Variants in KIF26B observed in about 807,000 individuals in gnomAD.
KIF26B encodes the protein kinesin family member 26B, also known as kinesin-like protein KIF26B.
Under a neutral mutation model 151.2 loss-of-function variants are expected in KIF26B, and 63 were observed. The ratio of observed to expected loss-of-function variants is 0.42; its 90% CI spans 0.34 to 0.51. KIF26B has a LOEUF of 0.51. KIF26B is among the 20% of genes least tolerant of loss of function. The probability of loss-of-function intolerance (pLI) is 0.07; values close to 1 mark genes in which losing one functional copy is unlikely to be tolerated. For missense variants in KIF26B, 2,813 were observed against 2,913.6 expected, an observed-to-expected ratio of 0.97 and a Z score of 0.79; for synonymous variants, 1,357 against 1,262.1, an observed-to-expected ratio of 1.08 and a Z score of -1.59.
At chr1:245,282,403 G>A (rs1202177794) in intron 2 of KIF26B, among the ~76,000 whole-genome samples, 2 of 152,170 alleles carry the variant, frequency 1.3e-5, no homozygotes, top group Non-Finnish European at 2.9e-5. Context: ...CTTAGAGCCA[G>A]GTGGCAACCT....
rs755608818 is a variant in KIF26B at position 245,687,183 on chromosome 1, C to T, written c.4200C>T (p.Ser1400=). The change falls in exon 12 of 15, where the codon AGC becomes AGT. Residue 1400 remains serine (S), a synonymous_variant. Coordinates refer to ENST00000407071, the MANE Select transcript of KIF26B (RefSeq NM_018012.4). This position sits in a 1 kb window ranked among gnomAD's most constrained non-coding sequence, Gnocchi z 4.9. ...NITVYPCIAM[S]PRNIQEPEAP... is the part of the protein sequence containing the mutation. ...CAGTTTACCCCTGCATTGCCATGAG[C>T]CCCCGGAACATCCAAGAGCCGGAGG... 8.7e-6 allele frequency: 14 copies of T among 1,612,600 alleles called. No homozygotes were observed. The South Asian group carries it at 1.2e-4, about 14-fold the overall frequency.
At position 245,318,475 on chromosome 1, in the gene KIF26B, A is replaced by T. The variant is rs993525516; in HGVS notation, c.466-48359A>T. Among the ~76,000 whole-genome samples, 1 of 152,148 alleles carries T rather than the reference A, an allele frequency of 6.6e-6. No homozygotes were observed. The highest frequency in any genetic ancestry group is 1.5e-5 in the Non-Finnish European group (1 of 68,032). ...TTTGCCCTGAGGAATATACAAGTTG[A>T]TAGGGCTACTTGCCTTCTTGCTCAT... On this transcript the variant is annotated intron_variant, in intron 2 of 14. Coordinates refer to ENST00000407071, the MANE Select transcript of KIF26B (RefSeq NM_018012.4). The surrounding 1 kb of genome is among the most constrained non-coding windows in gnomAD (Gnocchi z 4.0).
rs557605110 is a variant in KIF26B, at chr1:245,661,298, A to G, written c.2258+15018A>G. Among the ~76,000 whole-genome samples the G allele has an allele frequency of 2.4e-4, 37 of 151,686 alleles. No homozygotes were observed. The South Asian group carries it at 7.3e-3, about 30-fold the overall frequency. On this transcript the variant is annotated intron_variant, in intron 10 of 14. Coordinates refer to ENST00000407071, the MANE Select transcript of KIF26B (RefSeq NM_018012.4). ...CCACTGCGCCTGGCCCATTTTAATT[A>G]TTTTGTGATCCGTGGGTTATTTAGA...
At chr1:245,242,672 G>C (rs141383422) in intron 2 of KIF26B, among the ~76,000 whole-genome samples, 1,531 of 152,162 alleles carry the variant, frequency 0.01, 22 homozygotes, top group African/African-American at 0.034. Flanking sequence ...GTTTGTTTGA[G>C]ATGGAATCTT....
chr1:245,265,174 T>C (rs930509107), intron 2 of KIF26B, among the ~76,000 whole-genome samples: 3 of 141,166 alleles, frequency 2.1e-5, no homozygotes, highest in Non-Finnish European at 4.5e-5. Flanking sequence ...TGCATTCCAG[T>C]CTGGGTGACA....
intron 3 of KIF26B, among the ~76,000 whole-genome samples, chr1:245,400,495 T>G (rs959401540): frequency 1.3e-5 from 2 of 151,150 alleles, no homozygotes; most frequent in African/African-American, 4.8e-5. Context: ...TGAGTTTTTT[T>G]TTTTTTTTTT....
At chr1:245,449,594 G>A (rs12094249) in intron 4 of KIF26B, among the ~76,000 whole-genome samples, 34,904 of 152,082 alleles carry the variant, frequency 0.23, 4,502 homozygotes, top group East Asian at 0.3. Context: ...AATCAGTTAA[G>A]TGAATATGAG....
chr1:245,320,054 G>A (rs1257715073), intron 2 of KIF26B, among the ~76,000 whole-genome samples: 2 of 152,114 alleles, frequency 1.3e-5, no homozygotes, highest in Non-Finnish European at 2.9e-5. Context: ...ATTTTATTTG[G>A]ACATTATGAT....
intron 4 of KIF26B, among the ~76,000 whole-genome samples, chr1:245,480,318 G>T (rs999733392): frequency 1.3e-5 from 2 of 151,546 alleles, no homozygotes; most frequent in African/African-American, 4.8e-5. Flanking sequence ...CATGCAGGGT[G>T]GGATTGGGCA....
At chr1:245,676,304 G>A (rs2044356732) in intron 10 of KIF26B, 1 of 152,198 alleles carries the variant, frequency 6.6e-6, no homozygotes, top group African/African-American at 2.4e-5. Context: ...CTGCATGGTT[G>A]TCACTGCGAT....
In KIF26B at chr1:245,707,036, A is replaced by C. The variant is rs970793601; in HGVS notation, c.*4430A>C. On this transcript the variant is annotated 3_prime_UTR_variant, in exon 15 of 15. Coordinates refer to ENST00000407071, the MANE Select transcript of KIF26B (RefSeq NM_018012.4). ...ACAAAATGACACATTTTAAAATTAC[A>C]ACCTGTTCATTATTTCCATCATAAT... is the stretch of plus-strand genomic sequence containing the variant. The C allele has an allele frequency of 2.6e-5, 4 of 152,238 alleles. No homozygotes were observed. The highest frequency in any genetic ancestry group is 5.9e-5 in the Non-Finnish European group (4 of 68,044). 9.4% of individuals were successfully genotyped at this position (152,238 alleles called of 1,614,324 possible). A position where few individuals can be genotyped will look rare whatever the true frequency, so the allele number is the denominator to read the frequency against.
At chr1:245,684,520 G>A in intron 11 of KIF26B, 125 bp downstream of exon 11, 1 of 1,043,986 alleles carries the variant, frequency 9.6e-7, no homozygotes. Flanking sequence ...GTGACTTGGA[G>A]CTGACAACAC....
Position 245,156,503 on chromosome 1 carries a change from T to A in KIF26B, c.285T>A (p.Ser95Arg), listed in dbSNP as rs1422616718. Reference protein sequence around the residue: ...PGPASPGIGTSSPGSLGGSPG... With the variant: ...PGPASPGIGTRSPGSLGGSPG... ...CCGCCTCCCCCGGCATCGGCACTAG[T>A]TCGCCGGGCTCCTTGGGCGGCTCTC... Residue 95 changes from serine to arginine, a missense_variant, in exon 2 of 15, where the codon AGT becomes AGA. By Grantham distance (110) the Ser-to-Arg change is moderately radical. Transcript: ENST00000407071. 6.5e-7 allele frequency: 1 copy of A among 1,528,080 alleles called. No individual in the cohort carries two copies. The highest frequency in any genetic ancestry group is 1.2e-5 in the South Asian group (1 of 83,762). 94.7% of individuals were successfully genotyped at this position (1,528,080 alleles called of 1,614,324 possible).
intron 2 of KIF26B, among the ~76,000 whole-genome samples, chr1:245,180,252 C>T (rs938924685): frequency 1.3e-5 from 2 of 152,064 alleles, no homozygotes; most frequent in African/African-American, 4.8e-5. Context: ...ATGTATCTTT[C>T]TCTTTGGGGT....
At chr1:245,554,725 A>G (rs953911772) in intron 5 of KIF26B, among the ~76,000 whole-genome samples, 6 of 152,124 alleles carry the variant, frequency 3.9e-5, no homozygotes, top group African/African-American at 1.4e-4. Flanking sequence ...TTCATACTGC[A>G]TGGTGAGGAC....
chr1:245,371,118 C>A (rs550232536), intron 3 of KIF26B, among the ~76,000 whole-genome samples: 32 of 152,182 alleles, frequency 2.1e-4, no homozygotes, highest in Admixed American at 1.2e-3. Flanking sequence ...CTTTCCAACT[C>A]CAGAACAGAC....
chr1:245,455,229 G>A (rs995136288), intron 4 of KIF26B, among the ~76,000 whole-genome samples: 2 of 152,170 alleles, frequency 1.3e-5, no homozygotes, highest in African/African-American at 4.8e-5. Context: ...CTACAGGCCG[G>A]GCATGGTGGC....
chr1:245,257,015 A>G (rs1670548992), intron 2 of KIF26B, among the ~76,000 whole-genome samples: 1 of 152,186 alleles, frequency 6.6e-6, no homozygotes, highest in African/African-American at 2.4e-5. Context: ...AGAAACATTT[A>G]CCATCTATTC....
At chr1:245,613,488 G>A (rs983676368) in intron 9 of KIF26B, among the ~76,000 whole-genome samples, 1 of 152,164 alleles carries the variant, frequency 6.6e-6, no homozygotes, top group Non-Finnish European at 1.5e-5. Context: ...CTCCCAGCTA[G>A]TTGGGGGTCT....
Sources: gnomAD v4.1 joint callset for allele counts (sites outside exome capture counted in the v4.1 genomes callset) on GRCh38, gnomAD v4.1.1 for gene constraint, Gnocchi (gnomAD v3.1) non-coding constraint, MANE v1.5 for transcripts, NCBI Gene and HGNC (gene_info 2026-07-23, HGNC 2026-07-21) for gene names.